Variants in DPYS observed in about 807,000 individuals in gnomAD.
The protein encoded by DPYS is dihydropyrimidinase.
Under a neutral mutation model 50.3 loss-of-function variants are expected in DPYS, and 39 were observed. The observed-to-expected ratio is 0.78, with a 90% CI of 0.60 to 1.01. The LOEUF (loss-of-function observed/expected upper bound fraction) is 1.01. Ranked by LOEUF, DPYS falls within the 50% of genes least tolerant of loss-of-function variation. The pLI is 0.00. For synonymous variants in DPYS, 245 were observed against 250.7 expected, an observed-to-expected ratio of 0.98 and a Z score of 0.22; for missense variants, 659 against 680.9, an observed-to-expected ratio of 0.97 and a Z score of 0.36.
chr8:104,442,069 C>G (rs1472254219), intron 4 of DPYS, among the ~76,000 whole-genome samples: 3 of 152,140 alleles, frequency 2.0e-5, no homozygotes, highest in Admixed American at 2.0e-4. Context: ...AAAATCATTA[C>G]TTATACTGTA....
At chr8:104,387,444 G>A (rs1178831067) in intron 8 of DPYS, among the ~76,000 whole-genome samples, 1 of 152,208 alleles carries the variant, frequency 6.6e-6, no homozygotes, top group African/African-American at 2.4e-5. Context: ...AGTCCGAGAG[G>A]AAGTGAACCC....
At chr8:104,464,300 C>A (rs1814272689) in intron 1 of DPYS, among the ~76,000 whole-genome samples, 1 of 152,134 alleles carries the variant, frequency 6.6e-6, no homozygotes, top group Non-Finnish European at 1.5e-5. Flanking sequence ...CCCAGAATGG[C>A]TAAGGAAAAG....
At chr8:104,439,055 C>A (rs1228840484) in intron 4 of DPYS, among the ~76,000 whole-genome samples, 3 of 150,346 alleles carry the variant, frequency 2.0e-5, no homozygotes, top group African/African-American at 2.5e-5. Flanking sequence ...TGAGATCCTG[C>A]CTCTTAAATA....
At chr8:104,407,835 A>T (rs545303749) in intron 7 of DPYS, among the ~76,000 whole-genome samples, 1 of 152,368 alleles carries the variant, frequency 6.6e-6, no homozygotes, top group East Asian at 1.9e-4. Flanking sequence ...AAATATTACC[A>T]TAAAGAAAGT....
chr8:104,383,863 A>T (rs1364510798), intron 8 of DPYS, among the ~76,000 whole-genome samples: 1 of 151,766 alleles, frequency 6.6e-6, no homozygotes, highest in Non-Finnish European at 1.5e-5. Context: ...CAGTTTCCCA[A>T]AGTGCTGGGA....
rs184086662 is a variant in DPYS at position 104,407,447 on chromosome 8, G to A, written c.1236-14456C>T. Among the ~76,000 whole-genome samples, 310 of 152,332 alleles carry A rather than the reference G, an allele frequency of 2.0e-3. 1 individual carries two copies. The highest frequency in any genetic ancestry group is 5.6e-3 in the African/African-American group (231 of 41,584). On this transcript the variant is annotated intron_variant, in intron 7 of 9. Transcript: ENST00000351513. ...CAGAACAGGAAAACATTAGAAAAAA[G>A]GACGGTACCATGTACCTGTGAGTAG...
intron 8 of DPYS, among the ~76,000 whole-genome samples, chr8:104,383,260 T>A (rs1227171924): frequency 6.6e-6 from 1 of 152,216 alleles, no homozygotes; most frequent in African/African-American, 2.4e-5. Flanking sequence ...CATTTTTGTG[T>A]AATTATCTGA....
chr8:104,465,860 G>A (rs1814360369), intron 1 of DPYS, among the ~76,000 whole-genome samples: 2 of 152,056 alleles, frequency 1.3e-5, no homozygotes, highest in African/African-American at 2.4e-5. Context: ...CCTTCACCTG[G>A]GGAGTGGTGA....
intron 7 of DPYS, 114 bp from the exon 8 acceptor site, chr8:104,393,105 T>C: frequency 1.1e-6 from 1 of 879,094 alleles, no homozygotes; most frequent in Non-Finnish European, 1.8e-6. Context: ...TATTAAGTCA[T>C]AGCTTCATCA....
chr8:104,431,280 T>C (rs1049857719), intron 4 of DPYS, among the ~76,000 whole-genome samples: 6 of 152,036 alleles, frequency 3.9e-5, no homozygotes. Flanking sequence ...ATTAAAAGTG[T>C]CAGCATCTAC....
chr8:104,430,220 T>A (rs1477910039), intron 4 of DPYS, among the ~76,000 whole-genome samples: 3 of 152,046 alleles, frequency 2.0e-5, no homozygotes, highest in Non-Finnish European at 4.4e-5. Flanking sequence ...CCACAGCATA[T>A]CTCTGCTGCA....
Position 104,444,424 on chromosome 8 carries a change from A to T in DPYS, c.617T>A (p.Met206Lys), listed in dbSNP as rs1813460729. 1 of 1,614,060 alleles carries T rather than the reference A, an allele frequency of 6.2e-7. No homozygotes were observed. Among genetic ancestry groups the T allele is most frequent in the Admixed American group, 1.7e-5 (1 of 60,002 alleles). The change falls in exon 4 of 10, where the codon ATG becomes AAG. Residue 206 changes from methionine (M) to lysine (K), a missense_variant. Met to Lys is a moderately conservative substitution (Grantham distance 95). Transcript: ENST00000351513. ...AGGGCCTGTTATCCCCAGAGCCAAC[A>T]TCTTCTTTGCTCCCTAAAAAGACAG... ...GDLIAEGAKK[M>K]LALGITGPEG...
At chr8:104,451,117 A>G (rs1314120600) in intron 2 of DPYS, 129 bp downstream of exon 2, 2 of 1,148,286 alleles carry the variant, frequency 1.7e-6, no homozygotes, top group East Asian at 4.8e-5. Context: ...AAGAATATGC[A>G]ATGAAAAGTC....
chr8:104,440,118 AAAGAGATTAAAATACTAC>A (rs139608472), intron 4 of DPYS, among the ~76,000 whole-genome samples: 8,511 of 152,300 alleles, frequency 0.056, 265 homozygotes, highest in Non-Finnish European at 0.06. Context: ...AAATAAGATA[AAAGAGATTAAAATACTAC>A]TATGTGCCAG....
At chr8:104,455,675 T>C (rs1302679349) in intron 1 of DPYS, among the ~76,000 whole-genome samples, 1 of 152,144 alleles carries the variant, frequency 6.6e-6, no homozygotes, top group South Asian at 2.1e-4. Context: ...GTCCCGAGAC[T>C]GGCCGAAATG....
At chr8:104,406,867 C>T (rs1014833627) in intron 7 of DPYS, among the ~76,000 whole-genome samples, 1 of 152,180 alleles carries the variant, frequency 6.6e-6, no homozygotes, top group South Asian at 2.1e-4. Context: ...CCAAGTGGAT[C>T]TACTTTTCTG....
intron 1 of DPYS, among the ~76,000 whole-genome samples, chr8:104,452,853 A>G (rs1341336866): frequency 6.6e-6 from 1 of 151,940 alleles, no homozygotes; most frequent in East Asian, 1.9e-4. Flanking sequence ...AAATAAACAA[A>G]TAAATAAAAA....
intron 8 of DPYS, among the ~76,000 whole-genome samples, chr8:104,385,562 T>C (rs1366425494): frequency 6.6e-6 from 1 of 152,164 alleles, no homozygotes; most frequent in Non-Finnish European, 1.5e-5. Context: ...TCAAATAAAA[T>C]GGCTTGAGGG....
intron 1 of DPYS, among the ~76,000 whole-genome samples, chr8:104,462,624 C>T (rs1814210261): frequency 6.6e-6 from 1 of 152,196 alleles, no homozygotes; most frequent in Admixed American, 6.5e-5. Flanking sequence ...ACCGGGTTTT[C>T]AGTGCAACTC....
Sources: gnomAD v4.1 joint callset for allele counts (sites outside exome capture counted in the v4.1 genomes callset) on GRCh38, gnomAD v4.1.1 for gene constraint, MANE v1.5 for transcripts, NCBI Gene and HGNC (gene_info 2026-07-23, HGNC 2026-07-21) for gene names.